NDEL1: variants seen among roughly 807,000 people sequenced by gnomAD.
The protein encoded by NDEL1 is nuclear distribution protein nudE-like 1.
In NDEL1, 9 loss-of-function variants were observed where a neutral mutation model predicts 45.7. That is an observed-to-expected ratio of 0.20 (90% CI 0.12 to 0.34). The LOEUF (loss-of-function observed/expected upper bound fraction) is 0.34, where lower values mean the gene tolerates loss of function less well. Among genes scored for constraint, NDEL1 ranks in the 10% least tolerant of loss-of-function variants. The pLI, the probability that NDEL1 is intolerant of heterozygous loss-of-function variation, is 1.00. For missense variants in NDEL1, 306 were observed against 406.2 expected (o/e 0.75, Z 2.12); for synonymous variants, 133 against 158.6 (o/e 0.84, Z 1.21).
intron 1 of NDEL1, among the ~76,000 whole-genome samples, chr17:8,416,695 A>G (rs1156486568): frequency 6.6e-6 from 1 of 152,142 alleles, no homozygotes; most frequent in Non-Finnish European, 1.5e-5. Context: ...CTGGGTGCTC[A>G]TGTTATTCAA....
chr17:8,449,102 CCT>C (rs1045436793), intron 5 of NDEL1, among the ~76,000 whole-genome samples: 27 of 152,344 alleles, frequency 1.8e-4, no homozygotes, highest in African/African-American at 6.5e-4. Context: ...CCTGCCTCAG[CCT>C]CTCGAGTAGC....
At chr17:8,440,914 GA>G (rs1353106527) in intron 1 of NDEL1, among the ~76,000 whole-genome samples, 1 of 152,216 alleles carries the variant, frequency 6.6e-6, no homozygotes. Context: ...GTGGACTCCT[GA>G]ATAACATTTA....
At chr17:8,472,538 G>A (rs149241929), downstream of NDEL1, among the ~76,000 whole-genome samples, 153 of 152,188 alleles carry the variant, frequency 1.0e-3, no homozygotes, top group African/African-American at 3.0e-3. Context: ...GGTGGCGGGC[G>A]CCTGTAATCC....
chr17:8,440,302 G>A (rs905382394), intron 1 of NDEL1, among the ~76,000 whole-genome samples: 1 of 152,110 alleles, frequency 6.6e-6, no homozygotes, highest in Non-Finnish European at 1.5e-5. Flanking sequence ...CAGATCACGA[G>A]GTCAGGAGTT....
chr17:8,424,438 T>C (rs993528971), intron 1 of NDEL1, among the ~76,000 whole-genome samples: 11 of 152,238 alleles, frequency 7.2e-5, no homozygotes, highest in African/African-American at 2.7e-4. Flanking sequence ...TTTAGGTAAA[T>C]TCCTAGAAGC....
At chr17:8,448,956 C>T (rs765575825) in intron 5 of NDEL1, among the ~76,000 whole-genome samples, 17 of 152,178 alleles carry the variant, frequency 1.1e-4, no homozygotes, top group Admixed American at 9.2e-4. Context: ...CCTCCCTTAC[C>T]TTACTGTCCC....
At chr17:8,445,051 A>G (rs1909992918) in intron 2 of NDEL1, 1 of 152,200 alleles carries the variant, frequency 6.6e-6, no homozygotes, top group Non-Finnish European at 1.5e-5. Context: ...GTGTGTATCT[A>G]TGGCAGGGTT....
chr17:8,426,284 A>G (rs140401808), intron 1 of NDEL1, among the ~76,000 whole-genome samples: 68 of 152,344 alleles, frequency 4.5e-4, no homozygotes, highest in African/African-American at 1.6e-3. Flanking sequence ...ACTTTGACTC[A>G]TTGGCTTACC....
intron 1 of NDEL1, among the ~76,000 whole-genome samples, chr17:8,427,481 A>G (rs530339892): frequency 6.6e-6 from 1 of 152,270 alleles, no homozygotes; most frequent in African/African-American, 2.4e-5. Context: ...CAGGCAGATC[A>G]TTTGAGGCCA....
In NDEL1 at chr17:8,467,387, G is replaced by A. The variant is rs564086522; in HGVS notation, c.*364G>A. 1 of 423,368 alleles carries A rather than the reference G, an allele frequency of 2.4e-6. No homozygotes were observed. Among genetic ancestry groups the A allele is most frequent in the South Asian group, 8.2e-5 (1 of 12,226 alleles). 26.2% of individuals were successfully genotyped at this position (423,368 alleles called of 1,614,324 possible). On this transcript the variant is annotated 3_prime_UTR_variant, in exon 9 of 9. Coordinates refer to ENST00000334527, the MANE Select transcript of NDEL1 (RefSeq NM_030808.5). The surrounding 1 kb of genome is among the most constrained non-coding windows in gnomAD (Gnocchi z 6.3). ...CTGATAGGATTTAGTTGTGTTTTAG[G>A]ACATTGCAAATCTTCTAGAAGTTCT...
At chr17:8,447,773 C>A (rs1486061899) in intron 4 of NDEL1, among the ~76,000 whole-genome samples, 2 of 152,038 alleles carry the variant, frequency 1.3e-5, no homozygotes, top group African/African-American at 4.8e-5. Flanking sequence ...TAATTGTTTC[C>A]TGGTATTTCC....
intron 7 of NDEL1, among the ~76,000 whole-genome samples, chr17:8,459,656 C>G (rs776392340): frequency 5.3e-5 from 8 of 152,252 alleles, no homozygotes; most frequent in African/African-American, 1.7e-4. Flanking sequence ...ACCCTGCCCC[C>G]CAACACCAAC....
At chr17:8,455,386 G>A (rs548102748) in intron 7 of NDEL1, among the ~76,000 whole-genome samples, 33 of 152,138 alleles carry the variant, frequency 2.2e-4, no homozygotes, top group African/African-American at 8.0e-4. Context: ...GAACAGTTTC[G>A]CTTCTGAAAT....
rs1252633882 is a variant in NDEL1, at chr17:8,450,973, T to C, written c.700+20T>C. 1 of 1,596,048 alleles carries C rather than the reference T, an allele frequency of 6.3e-7. No homozygotes were observed. Among genetic ancestry groups the C allele is most frequent in the Non-Finnish European group, 8.5e-7 (1 of 1,172,616 alleles). ...CGAAAGGTTTGTAATGTCTTTTCTT[T>C]TTGAGGCGATGTGTTAGATGATCAG... is the stretch of plus-strand genomic sequence containing the variant. On this transcript the variant is annotated intron_variant, in intron 6 of 8. Transcript: ENST00000334527.
chr17:8,424,568 C>T (rs909640455), intron 1 of NDEL1, among the ~76,000 whole-genome samples: 2 of 152,362 alleles, frequency 1.3e-5, no homozygotes, highest in South Asian at 2.1e-4. Flanking sequence ...GTGGCGCGAT[C>T]TCAGCTCACA....
intron 1 of NDEL1, among the ~76,000 whole-genome samples, chr17:8,440,503 G>T (rs1388716463): frequency 9.3e-6 from 1 of 107,208 alleles, no homozygotes; most frequent in Non-Finnish European, 1.9e-5. Flanking sequence ...AACAGAGTGA[G>T]ACTCCATCTC....
At chr17:8,414,820 T>C (rs1908506383) in intron 1 of NDEL1, among the ~76,000 whole-genome samples, 1 of 151,636 alleles carries the variant, frequency 6.6e-6, no homozygotes, top group African/African-American at 2.4e-5. Context: ...GTACCTTCAT[T>C]TGCTTAGTTT....
intron 1 of NDEL1, among the ~76,000 whole-genome samples, chr17:8,426,598 A>T (rs2151696608): frequency 6.6e-6 from 1 of 152,264 alleles, no homozygotes; most frequent in African/African-American, 2.4e-5. Flanking sequence ...AGTGCCTGTC[A>T]CGTGGTCGGG....
chr17:8,454,337 T>C (rs1243126954), intron 6 of NDEL1, among the ~76,000 whole-genome samples: 1 of 152,008 alleles, frequency 6.6e-6, no homozygotes, highest in African/African-American at 2.4e-5. Context: ...AAATGACTAG[T>C]TACTATGGAA....
Sources: gnomAD v4.1 joint callset for allele counts (sites outside exome capture counted in the v4.1 genomes callset) on GRCh38, gnomAD v4.1.1 for gene constraint, Gnocchi (gnomAD v3.1) non-coding constraint, MANE v1.5 for transcripts, NCBI Gene and HGNC (gene_info 2026-07-23, HGNC 2026-07-21) for gene names.